Variants in SHISA9 observed in about 807,000 individuals in gnomAD.
The protein encoded by SHISA9 is protein shisa-9.
A neutral mutation model predicts 38.0 loss-of-function variants in SHISA9; 13 were observed. That is an observed-to-expected ratio of 0.34 (90% confidence interval 0.22 to 0.54). SHISA9 has a LOEUF of 0.54. Among genes scored for constraint, SHISA9 ranks in the 20% least tolerant of loss-of-function variants. SHISA9 has a pLI of 0.91. For synonymous variants in SHISA9, 275 were observed against 242.0 expected (o/e 1.14, Z -1.27); for missense variants, 538 against 575.8 (o/e 0.93, Z 0.67).
chr16:13,246,744 T>G, the SHISA9 span, among the ~76,000 whole-genome samples: 1 of 152,176 alleles, frequency 6.6e-6, no homozygotes, highest in African/African-American at 2.4e-5. Flanking sequence ...TCTTCTATTA[T>G]TATCAGTGTG....
chr16:13,339,219 C>T, the SHISA9 span, among the ~76,000 whole-genome samples: 1 of 146,406 alleles, frequency 6.8e-6, no homozygotes, highest in Non-Finnish European at 1.5e-5. Context: ...ATGGGTGTCA[C>T]CAAGTTAGAG....
At chr16:13,200,213 A>C (rs2050991131) in intron 2 of SHISA9, among the ~76,000 whole-genome samples, 1 of 152,020 alleles carries the variant, frequency 6.6e-6, no homozygotes, top group African/African-American at 2.4e-5. Context: ...CTTTTGCTAC[A>C]AGTATTTCCT....
intron 2 of SHISA9, among the ~76,000 whole-genome samples, chr16:13,023,789 C>T (rs1047687017): frequency 2.6e-5 from 4 of 152,052 alleles, no homozygotes; most frequent in Admixed American, 6.6e-5. Flanking sequence ...TGCATTTTTT[C>T]GTGTGTCTGT....
chr16:13,040,127 G>A (rs916729112), intron 2 of SHISA9, among the ~76,000 whole-genome samples: 1 of 152,164 alleles, frequency 6.6e-6, no homozygotes, highest in Non-Finnish European at 1.5e-5. Flanking sequence ...ACGAGAGCCA[G>A]AATTGTCATT....
At chr16:13,118,576 A>AC (rs760802522) in intron 2 of SHISA9, among the ~76,000 whole-genome samples, 9 of 152,032 alleles carry the variant, frequency 5.9e-5, no homozygotes, top group Non-Finnish European at 1.0e-4. Context: ...AGAAAAACAG[A>AC]TTTTGAGTAA....
At chr16:13,095,633 C>T (rs550798422) in intron 2 of SHISA9, among the ~76,000 whole-genome samples, 2 of 152,294 alleles carry the variant, frequency 1.3e-5, no homozygotes, top group East Asian at 1.9e-4. Context: ...CTGTGGGTTT[C>T]CAAGTATGGG....
At chr16:13,086,950 C>G (rs1166802171) in intron 2 of SHISA9, among the ~76,000 whole-genome samples, 2 of 151,856 alleles carry the variant, frequency 1.3e-5, no homozygotes, top group East Asian at 1.9e-4. Flanking sequence ...TCTCCTAATG[C>G]TATCCCTCCC....
At chr16:13,512,960 A>G in the SHISA9 span, among the ~76,000 whole-genome samples, 1 of 152,234 alleles carries the variant, frequency 6.6e-6, no homozygotes, top group Non-Finnish European at 1.5e-5. Context: ...CAAAGACTTC[A>G]TAATGAAAAC....
chr16:12,952,738 C>T (rs1456434429), intron 2 of SHISA9, among the ~76,000 whole-genome samples: 2 of 152,188 alleles, frequency 1.3e-5, no homozygotes, highest in African/African-American at 2.4e-5. Flanking sequence ...GCTTCTCCTT[C>T]ACCTTCCACC....
At chr16:13,346,570 G>A in the SHISA9 span, among the ~76,000 whole-genome samples, 1 of 152,188 alleles carries the variant, frequency 6.6e-6, no homozygotes, top group Admixed American at 6.6e-5. Context: ...TGAGGTAATA[G>A]TAATCTCCCA....
In SHISA9 at chr16:12,991,595, C is replaced by G. The variant is rs188567004; in HGVS notation, c.691+74780C>G. Among the ~76,000 whole-genome samples, 7 of 152,260 alleles carry G rather than the reference C, an allele frequency of 4.6e-5. No individual in the cohort carries two copies. In the East Asian group the frequency reaches 9.6e-4, roughly 21 times the overall value. On this transcript the variant is annotated intron_variant, in intron 2 of 4. Transcript: ENST00000558583. Reference sequence around the variant, plus strand: ...AGGCCCTAGTCTCAGGCTCAGAAAACAAGTTATTGCAATTGCTGAATAATT... The same window carrying G: ...AGGCCCTAGTCTCAGGCTCAGAAAAGAAGTTATTGCAATTGCTGAATAATT...
At chr16:13,288,142 T>TA in the SHISA9 span, among the ~76,000 whole-genome samples, 2 of 151,690 alleles carry the variant, frequency 1.3e-5, no homozygotes, top group Non-Finnish European at 2.9e-5. Context: ...GGGACTAGGT[T>TA]AAAAAAAGAA....
At chr16:13,517,133 T>G in the SHISA9 span, among the ~76,000 whole-genome samples, 4 of 152,206 alleles carry the variant, frequency 2.6e-5, no homozygotes, top group East Asian at 7.7e-4. Context: ...GAAGAGGACA[T>G]GCAGAGACAC....
At chr16:13,279,543 A>C in the SHISA9 span, among the ~76,000 whole-genome samples, 6 of 151,918 alleles carry the variant, frequency 3.9e-5, no homozygotes, top group African/African-American at 1.2e-4. Context: ...AATCCTCTCA[A>C]ATTTATTGAG....
chr16:13,271,895 A>G, the SHISA9 span, among the ~76,000 whole-genome samples: 1 of 152,194 alleles, frequency 6.6e-6, no homozygotes, highest in East Asian at 1.9e-4. Context: ...CAGCCTGAAC[A>G]ACATGGTGAA....
At chr16:13,478,315 T>C in the SHISA9 span, among the ~76,000 whole-genome samples, 6 of 152,310 alleles carry the variant, frequency 3.9e-5, no homozygotes, top group South Asian at 1.2e-3. Flanking sequence ...GGCTTCTTTA[T>C]GGAATTGTCT....
chr16:12,991,048 A>C (rs1266798085), intron 2 of SHISA9, among the ~76,000 whole-genome samples: 1 of 152,142 alleles, frequency 6.6e-6, no homozygotes, highest in Non-Finnish European at 1.5e-5. Flanking sequence ...AAATTATTAT[A>C]AGCCTTCGTT....
chr16:13,232,211 C>A (rs918007575), intron 4 of SHISA9, among the ~76,000 whole-genome samples: 1 of 151,902 alleles, frequency 6.6e-6, no homozygotes, highest in African/African-American at 2.4e-5. Context: ...CTTCTGGTCC[C>A]CTGAGAGATG....
chr16:13,350,133 G>C, the SHISA9 span: 35 of 152,386 alleles, frequency 2.3e-4, no homozygotes, highest in African/African-American at 7.0e-4. Flanking sequence ...GATCTGAATA[G>C]AGCAAGAAGG....
Sources: allele counts gnomAD v4.1 joint callset (sites outside exome capture counted in the v4.1 genomes callset), GRCh38; gene constraint gnomAD v4.1.1; transcripts MANE v1.5; gene names NCBI Gene and HGNC (gene_info 2026-07-23, HGNC 2026-07-21).